The following LRRC4C variants were observed in gnomAD, a reference collection of about 807,000 sequenced individuals.
LRRC4C encodes leucine-rich repeat-containing protein 4C.
In LRRC4C, 5 loss-of-function variants were observed where a neutral mutation model predicts 33.6. That is an observed-to-expected ratio of 0.15 (90% CI 0.08 to 0.31). LRRC4C has a LOEUF of 0.31. Among genes scored for constraint, LRRC4C ranks in the 10% least tolerant of loss-of-function variants. The pLI is 1.00. For missense variants in LRRC4C, 560 were observed against 796.7 expected (o/e 0.70, Z 3.58); for synonymous variants, 329 against 302.0 (o/e 1.09, Z -0.93).
intron 3 of LRRC4C, among the ~76,000 whole-genome samples, chr11:40,391,655 A>G (rs1949341199): frequency 6.6e-6 from 1 of 152,190 alleles, no homozygotes; most frequent in Non-Finnish European, 1.5e-5. Flanking sequence ...CCAAATCTGC[A>G]CTTGATAGAT....
At chr11:41,283,997 G>T (rs1027521742) in intron 1 of LRRC4C, among the ~76,000 whole-genome samples, 2 of 152,082 alleles carry the variant, frequency 1.3e-5, no homozygotes, top group Non-Finnish European at 2.9e-5. Context: ...CCCAGTGAAA[G>T]TTATACGTAT....
intron 1 of LRRC4C, among the ~76,000 whole-genome samples, chr11:41,417,372 G>A (rs541544295): frequency 6.6e-6 from 1 of 152,102 alleles, no homozygotes; most frequent in East Asian, 1.9e-4. Flanking sequence ...GTTGACTGTG[G>A]TAAACAAAAA....
intron 1 of LRRC4C, among the ~76,000 whole-genome samples, chr11:41,403,667 G>C (rs1954109907): frequency 6.6e-6 from 1 of 152,020 alleles, no homozygotes. Context: ...CTTCCCTGAG[G>C]GTGCTGTTGC....
intron 1 of LRRC4C, among the ~76,000 whole-genome samples, chr11:41,159,000 A>G (rs10430985): frequency 0.043 from 6,562 of 152,252 alleles, 162 homozygotes; most frequent in East Asian, 0.07. Flanking sequence ...TTAAAACTCA[A>G]TAGGCCAGGC....
intron 1 of LRRC4C, among the ~76,000 whole-genome samples, chr11:41,447,053 C>G (rs1277088928): frequency 6.6e-6 from 1 of 152,150 alleles, no homozygotes; most frequent in Non-Finnish European, 1.5e-5. Flanking sequence ...TTTAATTATG[C>G]AGAAGATCTG....
At chr11:40,837,772 C>T (rs571183743) in intron 2 of LRRC4C, among the ~76,000 whole-genome samples, 2 of 151,498 alleles carry the variant, frequency 1.3e-5, no homozygotes, top group Non-Finnish European at 2.9e-5. Flanking sequence ...ATTGCTTGAG[C>T]CCAGGAAATC....
chr11:41,020,719 T>C (rs1855900249), intron 1 of LRRC4C, among the ~76,000 whole-genome samples: 1 of 152,164 alleles, frequency 6.6e-6, no homozygotes, highest in Non-Finnish European at 1.5e-5. Flanking sequence ...GTACTTTGTT[T>C]AAAAAGCCAC....
At chr11:41,171,952 T>A (rs543812948) in intron 1 of LRRC4C, among the ~76,000 whole-genome samples, 1 of 152,134 alleles carries the variant, frequency 6.6e-6, no homozygotes, top group Admixed American at 6.6e-5. Flanking sequence ...ACGTTTCTGA[T>A]AAATATTCTC....
intron 2 of LRRC4C, among the ~76,000 whole-genome samples, chr11:40,652,188 G>A (rs542550284): frequency 6.6e-6 from 1 of 152,244 alleles, no homozygotes; most frequent in African/African-American, 2.4e-5. Flanking sequence ...AAGCCTCAGG[G>A]TCAAGGAAAC....
chr11:40,421,030 T>A (rs1950506535), intron 3 of LRRC4C, among the ~76,000 whole-genome samples: 1 of 151,020 alleles, frequency 6.6e-6, no homozygotes, highest in African/African-American at 2.5e-5. Context: ...GTGAATTAGG[T>A]AAACCTTGAA....
At chr11:41,434,334 A>G (rs1421649121) in intron 1 of LRRC4C, among the ~76,000 whole-genome samples, 1 of 152,138 alleles carries the variant, frequency 6.6e-6, no homozygotes, top group Non-Finnish European at 1.5e-5. Flanking sequence ...CTTTTCAGAT[A>G]ATTTTTTTTT....
intron 1 of LRRC4C, among the ~76,000 whole-genome samples, chr11:41,180,034 G>C (rs1326929596): frequency 6.6e-6 from 1 of 152,160 alleles, no homozygotes; most frequent in East Asian, 1.9e-4. Flanking sequence ...CCTAGTAGAA[G>C]TTTCAAGAAA....
intron 2 of LRRC4C, among the ~76,000 whole-genome samples, chr11:40,818,076 T>C (rs1251004983): frequency 6.6e-6 from 1 of 152,142 alleles, no homozygotes; most frequent in Non-Finnish European, 1.5e-5. Context: ...TGGAGTGCCT[T>C]GATCAATGCC....
intron 5 of LRRC4C, among the ~76,000 whole-genome samples, chr11:40,234,211 A>G (rs1484440442): frequency 6.6e-6 from 1 of 152,230 alleles, no homozygotes; most frequent in Non-Finnish European, 1.5e-5. Context: ...ATTAAAGTTC[A>G]TCTAACAATG....
chr11:41,354,196 A>T (rs1216199646), intron 1 of LRRC4C, among the ~76,000 whole-genome samples: 1 of 152,158 alleles, frequency 6.6e-6, no homozygotes, highest in Non-Finnish European at 1.5e-5. Context: ...TACAAAAGTA[A>T]GGTATAAAAT....
At chr11:41,363,540 AG>A (rs1456095018) in intron 1 of LRRC4C, among the ~76,000 whole-genome samples, 1 of 152,202 alleles carries the variant, frequency 6.6e-6, no homozygotes, top group African/African-American at 2.4e-5. Flanking sequence ...GCTATTGTTT[AG>A]TAGCATAAAT....
intron 3 of LRRC4C, among the ~76,000 whole-genome samples, chr11:40,596,718 C>T (rs1310254594): frequency 1.3e-5 from 2 of 151,956 alleles, no homozygotes; most frequent in East Asian, 3.9e-4. Context: ...GAAATTTGTC[C>T]TTCCCTGCCT....
At chr11:41,050,761 T>C (rs1590358850) in intron 1 of LRRC4C, among the ~76,000 whole-genome samples, 2 of 152,302 alleles carry the variant, frequency 1.3e-5, no homozygotes, top group East Asian at 3.9e-4. Flanking sequence ...TACGTGTGCA[T>C]GTGTCTTTGG....
At chr11:40,258,437 A>T (rs1867401070) in intron 4 of LRRC4C, among the ~76,000 whole-genome samples, 1 of 152,172 alleles carries the variant, frequency 6.6e-6, no homozygotes, top group Non-Finnish European at 1.5e-5. Context: ...TTGCACTAAC[A>T]TATATAATTT....
Sources: allele counts gnomAD v4.1 joint callset (sites outside exome capture counted in the v4.1 genomes callset), GRCh38; gene constraint gnomAD v4.1.1; transcripts MANE v1.5; gene names NCBI Gene and HGNC (gene_info 2026-07-23, HGNC 2026-07-21).